COL11A1: variants seen among roughly 807,000 people sequenced by gnomAD.
The protein encoded by COL11A1 is collagen type XI alpha 1 chain, also known as collagen alpha-1(XI) chain.
Under a neutral mutation model 265.2 loss-of-function variants are expected in COL11A1, and 74 were observed. That is an observed-to-expected ratio of 0.28 (90% CI 0.23 to 0.34). COL11A1 has a LOEUF of 0.34. COL11A1 is among the 10% of genes least tolerant of loss of function. COL11A1 has a pLI of 1.00. For missense variants in COL11A1, 2,165 were observed against 2,263.6 expected, an observed-to-expected ratio of 0.96 and a Z score of 0.88; for synonymous variants, 816 against 727.6, an observed-to-expected ratio of 1.12 and a Z score of -1.96.
chr1:102,917,930 T>G (rs1655536769), intron 49 of COL11A1, among the ~76,000 whole-genome samples: 1 of 151,798 alleles, frequency 6.6e-6, no homozygotes, highest in South Asian at 2.1e-4. Flanking sequence ...TTTAGTATGT[T>G]AGATCCAAGT....
chr1:102,913,129 G>C (rs1011569517), intron 53 of COL11A1, among the ~76,000 whole-genome samples: 1 of 152,046 alleles, frequency 6.6e-6, no homozygotes, highest in Non-Finnish European at 1.5e-5. Flanking sequence ...CATTGTCTTT[G>C]GCTCCTAAAG....
At chr1:102,983,150 T>A (rs1346017526) in intron 31 of COL11A1, among the ~76,000 whole-genome samples, 1 of 152,056 alleles carries the variant, frequency 6.6e-6, no homozygotes, top group African/African-American at 2.4e-5. Flanking sequence ...ATCAAGTGCA[T>A]CCTTAACAAA....
intron 1 of COL11A1, among the ~76,000 whole-genome samples, chr1:103,092,083 G>C (rs975892448): frequency 1.3e-5 from 2 of 152,042 alleles, no homozygotes; most frequent in African/African-American, 4.8e-5. Flanking sequence ...AAAATATTCT[G>C]AAGTGTAATT....
chr1:103,060,121 A>C (rs2102192494), intron 4 of COL11A1, among the ~76,000 whole-genome samples: 1 of 152,250 alleles, frequency 6.6e-6, no homozygotes, highest in South Asian at 2.1e-4. Flanking sequence ...GGGGAAAAAA[A>C]CCAACTTACC....
intron 1 of COL11A1, among the ~76,000 whole-genome samples, chr1:103,087,396 A>G (rs772936831): frequency 6.6e-6 from 1 of 152,178 alleles, no homozygotes; most frequent in Non-Finnish European, 1.5e-5. Flanking sequence ...TAAGCTTCCA[A>G]AAATCCATGT....
intron 54 of COL11A1, among the ~76,000 whole-genome samples, chr1:102,904,047 G>C (rs1017924111): frequency 2.6e-5 from 4 of 151,968 alleles, no homozygotes; most frequent in Non-Finnish European, 2.9e-5. Flanking sequence ...TTTTTTTGTA[G>C]AGACAGGGTT....
rs755814936 is a variant in COL11A1 at position 102,921,541 on chromosome 1, G to A, written c.3685C>T (p.Pro1229Ser). The change falls in exon 48 of 67, where the codon CCT becomes TCT. Residue 1229 changes from proline (P) to serine (S), a missense_variant. By Grantham distance (74) the Pro-to-Ser change is moderately conservative. Coordinates refer to ENST00000370096, the MANE Select transcript of COL11A1 (RefSeq NM_001854.4). ...GPPGPPGPRG[P>S]QGPNGADGPQ... ...ACATCAGCTCCATTGGGACCTTGAG[G>A]GCCTCTTGGGCCTGGAGGACCAGGT... 3 of 1,613,210 alleles carry A rather than the reference G, an allele frequency of 1.9e-6. No homozygotes were observed. Among genetic ancestry groups the A allele is most frequent in the South Asian group, 2.2e-5 (2 of 90,966 alleles).
intron 57 of COL11A1, among the ~76,000 whole-genome samples, chr1:102,897,666 C>G (rs1439871711): frequency 6.6e-6 from 1 of 152,092 alleles, no homozygotes; most frequent in East Asian, 1.9e-4. Flanking sequence ...TTCAGTGTTA[C>G]AGTAGCCATA....
Position 102,890,474 on chromosome 1 carries a change from C to T in COL11A1, c.4333G>A (p.Asp1445Asn), listed in dbSNP as rs865790732. 1 of 1,609,480 alleles carries T rather than the reference C, an allele frequency of 6.2e-7. No individual in the cohort carries two copies. The highest frequency in any genetic ancestry group is 8.5e-7 in the Non-Finnish European group (1 of 1,177,780). ...ACCTTTTCACCCTTGGAGCCAGGGT[C>T]ACCTTTGAGACCAGGTAAGCCAGGA... ...GPPGLPGLKG[D>N]PGSKGEKGHP... Residue 1445 changes from aspartate (D) to asparagine (N), a missense_variant, in exon 58 of 67, where the codon GAC becomes AAC. Coordinates refer to ENST00000370096, the MANE Select transcript of COL11A1 (RefSeq NM_001854.4).
intron 66 of COL11A1, 84 bp downstream of exon 66, chr1:102,879,599 G>A (rs535834204): frequency 9.8e-6 from 12 of 1,224,660 alleles, no homozygotes; most frequent in Non-Finnish European, 1.4e-5. Context: ...CATTTCATGA[G>A]AAAAATCTGG....
rs756446203 is a variant in COL11A1, at chr1:102,915,669, C to G, written c.3778G>C (p.Ala1260Pro). The change falls in exon 50 of 67, where the codon GCA becomes CCA. Residue 1260 changes from alanine (A) to proline (P), a missense_variant. Ala to Pro is a conservative substitution (Grantham distance 27). Coordinates refer to ENST00000370096, the MANE Select transcript of COL11A1 (RefSeq NM_001854.4). ...GVGEKGEPGE[A>P]GNPGPPGEAG... ...TCCCCAGGAGGCCCTGGGTTCCCTG[C>G]TTCTCCAGGTTCACCCTATATAGAG... The G allele has an allele frequency of 1.2e-6, 2 of 1,612,744 alleles. No individual in the cohort carries two copies. The highest frequency in any genetic ancestry group is 1.7e-6 in the Non-Finnish European group (2 of 1,178,772).
At chr1:103,083,642 A>G (rs1672615475) in intron 1 of COL11A1, among the ~76,000 whole-genome samples, 1 of 152,184 alleles carries the variant, frequency 6.6e-6, no homozygotes, top group African/African-American at 2.4e-5. Flanking sequence ...AGTTATTTAC[A>G]AATTATATAC....
At chr1:103,054,584 T>C (rs1012287905) in intron 4 of COL11A1, among the ~76,000 whole-genome samples, 3 of 151,556 alleles carry the variant, frequency 2.0e-5, no homozygotes, top group African/African-American at 4.8e-5. Context: ...GTTGTTGTTG[T>C]TGTTGTTTCT....
chr1:102,950,067 G>A, intron 41 of COL11A1, among the ~76,000 whole-genome samples: 1 of 152,216 alleles, frequency 6.6e-6, no homozygotes, highest in East Asian at 1.9e-4. Flanking sequence ...AGGCCAAGGT[G>A]GGCAGATTGC....
intron 2 of COL11A1, among the ~76,000 whole-genome samples, chr1:103,081,169 T>A (rs1207040408): frequency 4.0e-5 from 6 of 151,840 alleles, no homozygotes; most frequent in Non-Finnish European, 8.8e-5. Flanking sequence ...ATATATAGTA[T>A]TTAAAATTAG....
chr1:103,053,702 T>C (rs1411814054), intron 4 of COL11A1, among the ~76,000 whole-genome samples: 6 of 152,202 alleles, frequency 3.9e-5, no homozygotes, highest in East Asian at 1.9e-4. Flanking sequence ...AAGTGGTCAG[T>C]AGTGGAACTT....
chr1:102,944,466 AGTT>A (rs1365278191), intron 42 of COL11A1, among the ~76,000 whole-genome samples: 2 of 152,248 alleles, frequency 1.3e-5, no homozygotes, highest in Admixed American at 1.3e-4. Flanking sequence ...AGCATGCTGG[AGTT>A]GTTGTCCTTG....
intron 46 of COL11A1, among the ~76,000 whole-genome samples, chr1:102,928,900 G>C (rs1242678833): frequency 1.2e-5 from 1 of 81,590 alleles, no homozygotes; most frequent in African/African-American, 3.1e-5. Flanking sequence ...CTTCTTTTGA[G>C]AAGTGTCTGT....
At chr1:103,014,405 G>T in intron 13 of COL11A1, 106 bp downstream of exon 13, 1 of 959,288 alleles carries the variant, frequency 1.0e-6, no homozygotes, top group Non-Finnish European at 1.7e-6. Flanking sequence ...ACAGTATTCG[G>T]AAGTAAATAT....
Sources: allele counts gnomAD v4.1 joint callset (sites outside exome capture counted in the v4.1 genomes callset), GRCh38; gene constraint gnomAD v4.1.1; transcripts MANE v1.5; gene names NCBI Gene and HGNC (gene_info 2026-07-23, HGNC 2026-07-21).